The following SREBF2 variants were observed in gnomAD, a reference collection of about 807,000 sequenced individuals.
SREBF2 encodes sterol regulatory element binding transcription factor 2, also known as sterol regulatory element-binding protein 2.
A neutral mutation model predicts 113.1 loss-of-function variants in SREBF2; 55 were observed. The observed-to-expected ratio is 0.49, with a 90% CI of 0.39 to 0.61. The LOEUF (loss-of-function observed/expected upper bound fraction) is 0.61. Among genes scored for constraint, SREBF2 ranks in the 20% least tolerant of loss-of-function variants. The probability of loss-of-function intolerance (pLI) is 0.00; values close to 1 mark genes in which losing one functional copy is unlikely to be tolerated. For missense variants in SREBF2, 1,349 were observed against 1,487.4 expected, an observed-to-expected ratio of 0.91 and a Z score of 1.53; for synonymous variants, 593 against 605.7, an observed-to-expected ratio of 0.98 and a Z score of 0.31.
intron 1 of SREBF2, among the ~76,000 whole-genome samples, chr22:41,847,574 G>A (rs752198009): frequency 2.6e-5 from 4 of 152,148 alleles, no homozygotes; most frequent in Non-Finnish European, 4.4e-5. Context: ...GGTGATATCC[G>A]TATGATGATA....
chr22:41,867,250 A>C lies in SREBF2; in HGVS notation c.508A>C (p.Ile170Leu). The change falls in exon 2 of 19, where the codon ATA becomes CTA. Residue 170 changes from isoleucine to leucine, a missense_variant. Transcript: ENST00000361204. ...GACGAGGATCATCCAGCAGCCTTTG[A>C]TATACCAGAATGCAGCTACTAGCTT... ...PQTRIIQQPL[I>L]YQNAATSFQV... 6.2e-7 allele frequency: 1 copy of C among 1,614,242 alleles called. No individual in the cohort carries two copies. The highest frequency in any genetic ancestry group is 8.5e-7 in the Non-Finnish European group (1 of 1,180,048).
intron 11 of SREBF2, 125 bp from the exon 12 acceptor site, chr22:41,892,992 C>A (rs562030330): frequency 2.6e-6 from 3 of 1,175,286 alleles, no homozygotes; most frequent in South Asian, 2.5e-5. Flanking sequence ...GAGTCCTATC[C>A]CTGTGCTGAT....
rs1290336186 is a variant in SREBF2, at chr22:41,902,859, C to T, written c.2908-111C>T. 6.6e-6 allele frequency: 8 copies of T among 1,217,948 alleles called. No individual in the cohort carries two copies. The Middle Eastern group carries it at 6.1e-4, about 93-fold the overall frequency. 75.4% of individuals were successfully genotyped at this position (1,217,948 alleles called of 1,614,324 possible). A position where few individuals can be genotyped will look rare whatever the true frequency, so the allele number is the denominator to read the frequency against. ...ACCAGACTCTGGGGCTCTCCACTTC[C>T]TCCCAGAGCTGCTGAGTGTTGGTCT... On this transcript the variant is annotated intron_variant, in intron 16 of 18. Coordinates refer to ENST00000361204, the MANE Select transcript of SREBF2 (RefSeq NM_004599.4).
chr22:41,878,872 G>A (rs1159624060), intron 9 of SREBF2: 6 of 592,636 alleles, frequency 1.0e-5, no homozygotes, highest in Non-Finnish European at 1.6e-5. Flanking sequence ...TCAGAATATA[G>A]ATGTGATTTT....
In SREBF2 at chr22:41,902,419, G is replaced by A. The variant is rs566692970; in HGVS notation, c.2908-551G>A. On this transcript the variant is annotated intron_variant, in intron 16 of 18. Transcript: ENST00000361204. ...CTAAGTCCTATGCCAGGGTCATGTA[G>A]CTAGTAAGTGGCAAAGCCGGGTCAG... 6.6e-4 allele frequency among the ~76,000 whole-genome samples: 100 copies of A among 152,322 alleles called. 3 individuals carry two copies. In the South Asian group the frequency reaches 0.013, roughly 20 times the overall value.
intron 1 of SREBF2, among the ~76,000 whole-genome samples, chr22:41,855,854 C>G (rs1016745701): frequency 1.3e-5 from 2 of 151,406 alleles, no homozygotes; most frequent in African/African-American, 4.9e-5. Context: ...ACTCTGGCCT[C>G]AAGTGATCCT....
chr22:41,861,790 G>T (rs548408525), intron 1 of SREBF2, among the ~76,000 whole-genome samples: 2 of 152,108 alleles, frequency 1.3e-5, no homozygotes, highest in Admixed American at 1.3e-4. Context: ...GGGCGTGGTG[G>T]TGTGTGCCTG....
At position 41,833,941 on chromosome 22, in the gene SREBF2, A is replaced by G. The variant is rs2076743366; in HGVS notation, c.88+583A>G. On this transcript the variant is annotated intron_variant, in intron 1 of 18. Coordinates refer to ENST00000361204, the MANE Select transcript of SREBF2 (RefSeq NM_004599.4). The surrounding 1 kb of genome is among the most constrained non-coding windows in gnomAD (Gnocchi z 4.1). ...AGCAGTGGCGGCGGAGTGTGGACACATCTCTCCGGGATGGAGACCCGGGCG... is the reference window on the plus strand; with the variant it reads ...AGCAGTGGCGGCGGAGTGTGGACACGTCTCTCCGGGATGGAGACCCGGGCG... 6.5e-6 allele frequency: 1 copy of G among 152,726 alleles called. No homozygotes were observed. Among genetic ancestry groups the G allele is most frequent in the Non-Finnish European group, 1.5e-5 (1 of 68,096 alleles). 9.5% of individuals were successfully genotyped at this position (152,726 alleles called of 1,614,324 possible).
chr22:41,837,858 C>CAA lies in SREBF2; in HGVS notation c.88+4516_88+4517dup, dbSNP rs35054500. Among the ~76,000 whole-genome samples, 718 of 102,942 alleles carry CAA rather than the reference C, an allele frequency of 7.0e-3. 2 individuals are homozygous for CAA. The highest frequency in any genetic ancestry group is 0.018 in the Middle Eastern group (4 of 218). The allele number at this position is 102,942 out of a possible 152,430, so 67.5% of individuals were successfully genotyped here. On this transcript the variant is annotated intron_variant, in intron 1 of 18. Coordinates refer to ENST00000361204, the MANE Select transcript of SREBF2 (RefSeq NM_004599.4). ...GGGCAACAAGAGCAAGACTCTGTCTCAAAAAAAAAAAAAAAAAGAAAGAAA... is the reference window on the plus strand; with the variant it reads ...GGGCAACAAGAGCAAGACTCTGTCTCAAAAAAAAAAAAAAAAAAAGAAAGAAA...
intron 4 of SREBF2, among the ~76,000 whole-genome samples, chr22:41,871,703 C>T (rs2077143114): frequency 6.6e-6 from 1 of 151,460 alleles, no homozygotes; most frequent in Non-Finnish European, 1.5e-5. Flanking sequence ...ACCAGCCTGG[C>T]CAACACGGTG....
Position 41,865,940 on chromosome 22 carries a change from G to A in SREBF2, c.89-891G>A, listed in dbSNP as rs567687281. Among the ~76,000 whole-genome samples the A allele has an allele frequency of 4.6e-5, 7 of 152,324 alleles. No individual in the cohort carries two copies. The South Asian group carries it at 1.4e-3, about 32-fold the overall frequency. ...ATTCTTTGCATCCCTGAAGCTCCAT[G>A]ACTTAGGGGCCATCAACTTGGTTGT... On this transcript the variant is annotated intron_variant, in intron 1 of 18. Coordinates refer to ENST00000361204, the MANE Select transcript of SREBF2 (RefSeq NM_004599.4).
chr22:41,841,026 C>T (rs1426023799), intron 1 of SREBF2, among the ~76,000 whole-genome samples: 1 of 152,156 alleles, frequency 6.6e-6, no homozygotes, highest in Non-Finnish European at 1.5e-5. Context: ...AATAGGCACT[C>T]TGTAAAGGTG....
intron 1 of SREBF2, among the ~76,000 whole-genome samples, chr22:41,838,265 A>T (rs761543270): frequency 2.0e-5 from 3 of 152,154 alleles, no homozygotes; most frequent in Non-Finnish European, 2.9e-5. Flanking sequence ...TGGAAATGAA[A>T]GTTTACTAGA....
chr22:41,877,048 G>C (rs2077202876), intron 7 of SREBF2, among the ~76,000 whole-genome samples, 181 bp from the exon 8 acceptor site: 1 of 152,156 alleles, frequency 6.6e-6, no homozygotes, highest in Non-Finnish European at 1.5e-5. Flanking sequence ...AGGTGAATGT[G>C]CCAATGTTTG....
Position 41,866,884 on chromosome 22 carries a change from G to A in SREBF2, c.142G>A (p.Glu48Lys). ...QVGEFPDLFS[E>K]QLCSSFPGSG... ...GGGAGAGTTCCCTGACTTGTTTTCAGAACAGCTGTGTAGCTCCTTTCCTGG... is the reference window on the plus strand; with the variant it reads ...GGGAGAGTTCCCTGACTTGTTTTCAAAACAGCTGTGTAGCTCCTTTCCTGG... The change falls in exon 2 of 19, where the codon GAA becomes AAA. Residue 48 changes from glutamate to lysine, a missense_variant. Coordinates refer to ENST00000361204, the MANE Select transcript of SREBF2 (RefSeq NM_004599.4). 1 of 1,614,192 alleles carries A rather than the reference G, an allele frequency of 6.2e-7. No individual in the cohort carries two copies. The highest frequency in any genetic ancestry group is 2.2e-5 in the East Asian group (1 of 44,882).
rs2077395867 is a variant in SREBF2, at chr22:41,894,669, CT to C, written c.2378-150del. ...GTGAACACTCTCCCCCATCCTCCAA[CT>C]GTTTAGCACAGTAGTTCTGGGCTTT... On this transcript the variant is annotated intron_variant, in intron 12 of 18. Coordinates refer to ENST00000361204, the MANE Select transcript of SREBF2 (RefSeq NM_004599.4). 3.9e-6 allele frequency: 3 copies of C among 772,418 alleles called. No individual in the cohort carries two copies. The South Asian group carries it at 4.1e-5, about 11-fold the overall frequency. 47.8% of individuals were successfully genotyped at this position (772,418 alleles called of 1,614,324 possible).
chr22:41,880,273 C>T (rs1169415979), intron 9 of SREBF2, among the ~76,000 whole-genome samples: 2 of 151,978 alleles, frequency 1.3e-5, no homozygotes, highest in East Asian at 3.9e-4. Flanking sequence ...TACTGCTGGC[C>T]GGGCATGGTG....
chr22:41,844,334 C>G (rs769610016), intron 1 of SREBF2, among the ~76,000 whole-genome samples: 1 of 152,132 alleles, frequency 6.6e-6, no homozygotes, highest in Non-Finnish European at 1.5e-5. Flanking sequence ...TGATGTAGGA[C>G]TAGGGGACCT....
At chr22:41,860,986 T>C (rs2077021365) in intron 1 of SREBF2, among the ~76,000 whole-genome samples, 1 of 152,244 alleles carries the variant, frequency 6.6e-6, no homozygotes, top group African/African-American at 2.4e-5. Flanking sequence ...CACAGAATGA[T>C]ACCGTGGGAC....
Sources: allele counts gnomAD v4.1 joint callset (sites outside exome capture counted in the v4.1 genomes callset), GRCh38; gene constraint gnomAD v4.1.1; non-coding constraint Gnocchi (gnomAD v3.1); transcripts MANE v1.5; gene names NCBI Gene and HGNC (gene_info 2026-07-23, HGNC 2026-07-21).